RMND1: variants seen among roughly 807,000 people sequenced by gnomAD.
RMND1 encodes required for meiotic nuclear division protein 1 homolog.
Under a neutral mutation model 54.0 loss-of-function variants are expected in RMND1, and 41 were observed. The ratio of observed to expected loss-of-function variants is 0.76; its 90% CI spans 0.59 to 0.98. The LOEUF (loss-of-function observed/expected upper bound fraction) is 0.98, where lower values mean the gene tolerates loss of function less well. RMND1 is among the 50% of genes least tolerant of loss of function. The pLI is 0.00. For missense variants in RMND1, 457 were observed against 532.0 expected (o/e 0.86, Z 1.39); for synonymous variants, 183 against 181.7 (o/e 1.01, Z -0.06).
At chr6:151,450,754 T>C (rs181476958) in intron 1 of RMND1, among the ~76,000 whole-genome samples, 242 of 150,754 alleles carry the variant, frequency 1.6e-3, no homozygotes, top group Non-Finnish European at 2.9e-3. Context: ...TTTTGTGTAA[T>C]AGAAAGGGGG....
intron 6 of RMND1, among the ~76,000 whole-genome samples, chr6:151,424,993 A>T (rs1037015534): frequency 1.3e-5 from 2 of 151,974 alleles, no homozygotes; most frequent in Non-Finnish European, 2.9e-5. Context: ...CCCAGACTGG[A>T]GTGTAGTGGC....
At position 151,441,197 on chromosome 6, in the gene RMND1, T is replaced by C. The variant is rs183904620; in HGVS notation, c.504+4111A>G. Among the ~76,000 whole-genome samples the C allele has an allele frequency of 1.1e-3, 175 of 152,306 alleles. 1 individual carries two copies. The highest frequency in any genetic ancestry group is 2.7e-3 in the South Asian group (13 of 4,832). ...CATCGCATGCTCTGATCAGAACATTTTTTTAAAAATTATACTTTCATTTAC... is the reference window on the plus strand; with the variant it reads ...CATCGCATGCTCTGATCAGAACATTCTTTTAAAAATTATACTTTCATTTAC... On this transcript the variant is annotated intron_variant, in intron 2 of 11. Transcript: ENST00000444024.
intron 10 of RMND1, among the ~76,000 whole-genome samples, chr6:151,410,939 C>A (rs1329515670): frequency 1.3e-5 from 2 of 152,106 alleles, no homozygotes; most frequent in African/African-American, 4.8e-5. Flanking sequence ...TCTAGTTCTT[C>A]CTGTAGGAGA....
chr6:151,437,217 CATT>C lies in RMND1; in HGVS notation c.505-666_505-664del, dbSNP rs368306095. Among the ~76,000 whole-genome samples, 464 of 152,264 alleles carry C rather than the reference CATT, an allele frequency of 3.0e-3. 1 individual carries two copies. The highest frequency in any genetic ancestry group is 0.011 in the African/African-American group (440 of 41,552). On this transcript the variant is annotated intron_variant, in intron 2 of 11. Transcript: ENST00000444024. ...TTTTTTCAAACTGTAAGTCACAACA[CATT>C]AGTGAGTTCTGATACCAATTTAGTT...
chr6:151,422,955 A>G (rs1055255230), intron 7 of RMND1, among the ~76,000 whole-genome samples: 6 of 152,048 alleles, frequency 3.9e-5, no homozygotes, highest in South Asian at 2.1e-4. Context: ...CCTCCCCTTC[A>G]CTCCTCAGGA....
chr6:151,435,536 TTTC>T (rs1014885240), intron 3 of RMND1, among the ~76,000 whole-genome samples: 3 of 151,852 alleles, frequency 2.0e-5, no homozygotes, highest in African/African-American at 7.3e-5. Flanking sequence ...TCATTTTAAT[TTTC>T]TTCTTTTTCA....
At chr6:151,413,174 G>C (rs953499514) in intron 10 of RMND1, among the ~76,000 whole-genome samples, 1 of 152,232 alleles carries the variant, frequency 6.6e-6, no homozygotes, top group Non-Finnish European at 1.5e-5. Context: ...GCAGCCTTGT[G>C]AGAAACACAG....
At chr6:151,450,294 GGCC>G (rs1781107129) in intron 1 of RMND1, among the ~76,000 whole-genome samples, 1 of 150,980 alleles carries the variant, frequency 6.6e-6, no homozygotes, top group Non-Finnish European at 1.5e-5. Flanking sequence ...GCCTCTGCCC[GGCC>G]GCCCCATCTG....
rs1391811917 is a variant in RMND1, at chr6:151,452,116, A to C, written c.-115T>G. The C allele has an allele frequency of 1.5e-5, 3 of 197,894 alleles. No homozygotes were observed. Among genetic ancestry groups the C allele is most frequent in the Non-Finnish European group, 3.1e-5 (3 of 95,258 alleles). The allele number at this position is 197,894 out of a possible 1,614,324, so 12.3% of individuals were successfully genotyped here. ...CCCCAGCCTCTCACTACTGCAGCCA[A>C]CCCATCTCCTGGAAGGGCGCTCCCG... On this transcript the variant is annotated 5_prime_UTR_variant, in exon 1 of 12. Transcript: ENST00000444024.
rs577972510 is a variant in RMND1, at chr6:151,435,007, C to T, written c.613+1439G>A. On this transcript the variant is annotated intron_variant, in intron 3 of 11. Transcript: ENST00000444024. The stretch of plus-strand genomic sequence containing the variant: ...GGGATTACAGGCACGTACCACCACG[C>T]CCAGCTAATTTTTGTATTTTTAGTA... 2.0e-5 allele frequency among the ~76,000 whole-genome samples: 3 copies of T among 152,114 alleles called. No individual in the cohort carries two copies. The East Asian group carries it at 5.8e-4, about 29-fold the overall frequency.
chr6:151,425,907 G>A (rs116374528), intron 6 of RMND1, among the ~76,000 whole-genome samples: 1,569 of 150,896 alleles, frequency 0.01, 25 homozygotes, highest in African/African-American at 0.033. Flanking sequence ...GCTAGTCTCT[G>A]TCTCTCTTCC....
rs1324025561 is a variant in RMND1, at chr6:151,407,670, G to A, written c.1201-1834C>T. On this transcript the variant is annotated intron_variant, in intron 10 of 11. Transcript: ENST00000444024. The stretch of plus-strand genomic sequence containing the variant: ...TGCCTATAATCACAACACTTCGGGA[G>A]GCTGGGGCAGGAGGATCACGAGGTC... Among the ~76,000 whole-genome samples, 4 of 152,272 alleles carry A rather than the reference G, an allele frequency of 2.6e-5. No homozygotes were observed. In the East Asian group the frequency reaches 5.8e-4, roughly 22 times the overall value.
chr6:151,433,183 C>G lies in RMND1; in HGVS notation c.661G>C (p.Gly221Arg), dbSNP rs1275538949. The change falls in exon 4 of 12, where the codon GGT (glycine) becomes CGT (arginine). Residue 221 changes from glycine (G) to arginine (R), a missense_variant. By Grantham distance (125) the Gly-to-Arg change is moderately radical (BLOSUM62 -2). Transcript: ENST00000444024. ...VMGVENSAKE[G>R]DPGTIFFFRE... ...AAGAAGAATATTGTTCCAGGATCAC[C>G]TTCTTTTGCAGAATTTTCCACACCC... 6 of 1,612,196 alleles carry G rather than the reference C, an allele frequency of 3.7e-6. No individual in the cohort carries two copies. In the Admixed American group the frequency reaches 5.0e-5, roughly 14 times the overall value.
intron 9 of RMND1, among the ~76,000 whole-genome samples, chr6:151,417,788 G>GA (rs560721719): frequency 6.7e-6 from 1 of 149,976 alleles, no homozygotes. Context: ...GAAGTACACA[G>GA]AAAAAAACTC....
At chr6:151,449,239 G>A (rs1310734744) in intron 1 of RMND1, among the ~76,000 whole-genome samples, 2 of 151,680 alleles carry the variant, frequency 1.3e-5, no homozygotes, top group Non-Finnish European at 2.9e-5. Context: ...CGTGGCGGCG[G>A]GTGCCTGTAA....
intron 6 of RMND1, among the ~76,000 whole-genome samples, chr6:151,425,843 T>C (rs1300474688): frequency 6.6e-6 from 1 of 152,180 alleles, no homozygotes; most frequent in African/African-American, 2.4e-5. Flanking sequence ...TGACTGGCCC[T>C]ATTGGTGGTG....
In RMND1 at chr6:151,450,347, G is replaced by C. The variant is rs1166305161; in HGVS notation, c.-15+1669C>G. 2.7e-4 allele frequency among the ~76,000 whole-genome samples: 40 copies of C among 148,822 alleles called. 1 individual carries two copies. The highest frequency in any genetic ancestry group is 9.3e-4 in the African/African-American group (38 of 40,754). On this transcript the variant is annotated intron_variant, in intron 1 of 11. Transcript: ENST00000444024. Reference sequence around the variant, plus strand: ...CCTCCGCCCGGCAGCCACCCCATCCGGGAGGGAGGTGGGGGTCAGCCCCCG... The same window carrying C: ...CCTCCGCCCGGCAGCCACCCCATCCCGGAGGGAGGTGGGGGTCAGCCCCCG...
chr6:151,433,254 A>C, intron 3 of RMND1, 24 bp from the exon 4 acceptor site: 1 of 1,545,146 alleles, frequency 6.5e-7, no homozygotes, highest in Non-Finnish European at 8.9e-7. Flanking sequence ...TAAACGAACA[A>C]AAAAGCTATG....
chr6:151,420,420 G>GCTCT (rs2114934348), intron 9 of RMND1, among the ~76,000 whole-genome samples: 1 of 152,286 alleles, frequency 6.6e-6, no homozygotes, highest in East Asian at 1.9e-4. Context: ...TTTGCAGTGA[G>GCTCT]CTCTGGTAAC....
Sources: allele counts gnomAD v4.1 joint callset (sites outside exome capture counted in the v4.1 genomes callset), GRCh38; gene constraint gnomAD v4.1.1; transcripts MANE v1.5; gene names NCBI Gene and HGNC (gene_info 2026-07-23, HGNC 2026-07-21).